PCMTD1: variants seen among roughly 807,000 people sequenced by gnomAD.
The protein encoded by PCMTD1 is protein-L-isoaspartate (D-aspartate) O-methyltransferase domain containing 1, also known as protein-L-isoaspartate O-methyltransferase domain-containing protein 1.
Under a neutral mutation model 37.6 loss-of-function variants are expected in PCMTD1, and 12 were observed. The ratio of observed to expected loss-of-function variants is 0.32; its 90% CI spans 0.20 to 0.52. PCMTD1 has a LOEUF of 0.52. Ranked by LOEUF, PCMTD1 falls within the 20% of genes least tolerant of loss-of-function variation. The pLI is 0.97. For synonymous variants in PCMTD1, 117 were observed against 135.8 expected, an observed-to-expected ratio of 0.86 and a Z score of 0.96; for missense variants, 235 against 421.3, an observed-to-expected ratio of 0.56 and a Z score of 3.87.
At chr8:51,852,974 A>C (rs1019550678) in intron 2 of PCMTD1, among the ~76,000 whole-genome samples, 7 of 152,150 alleles carry the variant, frequency 4.6e-5, no homozygotes, top group Non-Finnish European at 7.3e-5. Context: ...ATGTTTAAGA[A>C]CCCAGATTGG....
rs984650515 is a variant in PCMTD1 at position 51,820,325 on chromosome 8, G to C, written c.*26C>G. On this transcript the variant is annotated 3_prime_UTR_variant, in exon 6 of 6. Coordinates refer to ENST00000522514, the MANE Select transcript of PCMTD1 (RefSeq NM_052937.4). ...ATTTTCAAGACTAAAGGAATTATCA[G>C]TAGGCATTTTTCTTCTTGATCTAAG... 1.3e-6 allele frequency: 2 copies of C among 1,515,266 alleles called. No homozygotes were observed. The highest frequency in any genetic ancestry group is 2.3e-5 in the Admixed American group (1 of 43,284). The allele number at this position is 1,515,266 out of a possible 1,614,324, so 93.9% of individuals were successfully genotyped here. A position where few individuals can be genotyped will look rare whatever the true frequency, so the allele number is the denominator to read the frequency against.
chr8:51,849,284 A>G (rs994503093), intron 2 of PCMTD1: 2 of 152,182 alleles, frequency 1.3e-5, no homozygotes, highest in Non-Finnish European at 2.9e-5. Flanking sequence ...AAATAAATAA[A>G]CAAGTAATAT....
At chr8:51,892,223 T>G (rs1001717518) in intron 1 of PCMTD1, among the ~76,000 whole-genome samples, 22 of 152,234 alleles carry the variant, frequency 1.4e-4, no homozygotes, top group Non-Finnish European at 3.1e-4. Flanking sequence ...ATTCATCCCC[T>G]GCATAGGTTT....
intron 4 of PCMTD1, among the ~76,000 whole-genome samples, chr8:51,832,533 T>C (rs2038012472): frequency 1.3e-5 from 2 of 152,246 alleles, no homozygotes; most frequent in South Asian, 4.1e-4. Flanking sequence ...ACTCTACCTC[T>C]ACTATACAAC....
At chr8:51,894,817 A>G (rs2038978277) in intron 1 of PCMTD1, among the ~76,000 whole-genome samples, 1 of 151,958 alleles carries the variant, frequency 6.6e-6, no homozygotes, top group African/African-American at 2.4e-5. Flanking sequence ...TAAGAAAAGG[A>G]GAGAGAGAAG....
At chr8:51,860,019 G>A (rs2129286450) in intron 2 of PCMTD1, among the ~76,000 whole-genome samples, 1 of 152,138 alleles carries the variant, frequency 6.6e-6, no homozygotes, top group South Asian at 2.1e-4. Flanking sequence ...CTTCATGGTT[G>A]GTCATCCTCC....
chr8:51,871,926 C>T (rs1399842664), intron 1 of PCMTD1, among the ~76,000 whole-genome samples: 2 of 152,148 alleles, frequency 1.3e-5, no homozygotes, highest in Admixed American at 1.3e-4. Flanking sequence ...ATCCACATTA[C>T]ACATTTTGAT....
At chr8:51,826,928 C>T (rs1452785592) in intron 5 of PCMTD1, 1 of 887,978 alleles carries the variant, frequency 1.1e-6, no homozygotes, top group Non-Finnish European at 1.3e-6. Flanking sequence ...AAAATTATGA[C>T]TCCACTTTAG....
intron 1 of PCMTD1, among the ~76,000 whole-genome samples, chr8:51,866,601 T>C (rs114916234): frequency 0.025 from 3,780 of 152,052 alleles, 162 homozygotes; most frequent in African/African-American, 0.086. Flanking sequence ...ATTGAATCCT[T>C]ATCTCACAAC....
rs140824033 is a variant in PCMTD1, at chr8:51,886,490, T to C, written c.-96+12440A>G. 5.8e-3 allele frequency among the ~76,000 whole-genome samples: 881 copies of C among 152,290 alleles called. 10 individuals are homozygous for C. The highest frequency in any genetic ancestry group is 0.02 in the African/African-American group (838 of 41,554). On this transcript the variant is annotated intron_variant, in intron 1 of 5. Coordinates refer to ENST00000522514, the MANE Select transcript of PCMTD1 (RefSeq NM_052937.4). ...TCCCAATTTCAATGGGATTCCTATA[T>C]GCCATTTTGATTCATCTGCCCAGTA... is the stretch of plus-strand genomic sequence containing the variant.
At chr8:51,848,087 T>A (rs2038249380) in intron 2 of PCMTD1, among the ~76,000 whole-genome samples, 1 of 151,472 alleles carries the variant, frequency 6.6e-6, no homozygotes, top group Non-Finnish European at 1.5e-5. Flanking sequence ...CGTGGTTTTG[T>A]TTGTTTTAAA....
At chr8:51,829,656 G>T (rs896901249) in intron 5 of PCMTD1, among the ~76,000 whole-genome samples, 1 of 152,076 alleles carries the variant, frequency 6.6e-6, no homozygotes, top group African/African-American at 2.4e-5. Context: ...TGTAATCCCA[G>T]CTACTCAGGA....
intron 1 of PCMTD1, among the ~76,000 whole-genome samples, chr8:51,868,280 G>A (rs1224518438): frequency 1.3e-5 from 2 of 152,060 alleles, no homozygotes; most frequent in African/African-American, 4.8e-5. Flanking sequence ...AGAGAGAAGA[G>A]GAAAAGAGGG....
At chr8:51,861,385 C>T (rs2038467125) in intron 1 of PCMTD1, 139 bp from the exon 2 acceptor site, 2 of 564,838 alleles carry the variant, frequency 3.5e-6, no homozygotes, top group Non-Finnish European at 5.7e-6. Flanking sequence ...TAAACTCCTT[C>T]TTAACTATAT....
intron 1 of PCMTD1, among the ~76,000 whole-genome samples, chr8:51,872,280 C>G (rs2038650610): frequency 6.6e-6 from 1 of 152,134 alleles, no homozygotes; most frequent in Admixed American, 6.5e-5. Flanking sequence ...ACACAACTGC[C>G]TATTACCAAC....
chr8:51,894,076 G>A (rs2038969644), intron 1 of PCMTD1, among the ~76,000 whole-genome samples: 1 of 152,146 alleles, frequency 6.6e-6, no homozygotes, highest in Admixed American at 6.5e-5. Flanking sequence ...TTTTACTACT[G>A]TACTACACAG....
chr8:51,874,582 C>T (rs996081515), intron 1 of PCMTD1, among the ~76,000 whole-genome samples: 2 of 150,740 alleles, frequency 1.3e-5, no homozygotes, highest in African/African-American at 4.9e-5. Context: ...AGAATTATTT[C>T]ATATTAATTG....
intron 1 of PCMTD1, among the ~76,000 whole-genome samples, chr8:51,884,979 C>T (rs1280172872): frequency 1.3e-5 from 2 of 152,170 alleles, no homozygotes; most frequent in African/African-American, 4.8e-5. Flanking sequence ...GTACTTCCTA[C>T]TGGTTCTGTT....
Position 51,818,397 on chromosome 8 carries a change from A to C in PCMTD1, c.*1954T>G, listed in dbSNP as rs1463959851. ...TGCATAGTAAAAGCATCATCTAAAC[A>C]GCAGCTCCAACCAAAAAAAAAAAAA... On this transcript the variant is annotated 3_prime_UTR_variant, in exon 6 of 6. Coordinates refer to ENST00000522514, the MANE Select transcript of PCMTD1 (RefSeq NM_052937.4). 1 of 151,190 alleles carries C rather than the reference A, an allele frequency of 6.6e-6. No individual in the cohort carries two copies. The highest frequency in any genetic ancestry group is 2.4e-5 in the African/African-American group (1 of 41,274). 9.4% of individuals were successfully genotyped at this position (151,190 alleles called of 1,614,324 possible).
Sources: gnomAD v4.1 joint callset for allele counts (sites outside exome capture counted in the v4.1 genomes callset) on GRCh38, gnomAD v4.1.1 for gene constraint, MANE v1.5 for transcripts, NCBI Gene and HGNC (gene_info 2026-07-23, HGNC 2026-07-21) for gene names.